KCNN2: variants seen among roughly 807,000 people sequenced by gnomAD.
KCNN2 encodes the protein potassium calcium-activated channel subfamily N member 2.
KCNN2 carries 24 observed loss-of-function variants against 55.5 expected under a neutral mutation model. The ratio of observed to expected loss-of-function variants is 0.43; its 90% confidence interval spans 0.31 to 0.61. The LOEUF (loss-of-function observed/expected upper bound fraction) is 0.61, where lower values mean the gene tolerates loss of function less well. Ranked by LOEUF, KCNN2 falls within the 20% of genes least tolerant of loss-of-function variation. The pLI, the probability that KCNN2 is intolerant of heterozygous loss-of-function variation, is 0.08. For synonymous variants in KCNN2, 431 were observed against 336.1 expected (o/e 1.28, Z -3.09); for missense variants, 754 against 853.6 (o/e 0.88, Z 1.45).
chr5:114,057,815 G>C (rs1441528910), intron 1 of KCNN2, among the ~76,000 whole-genome samples: 1 of 152,166 alleles, frequency 6.6e-6, no homozygotes, highest in Admixed American at 6.5e-5. Flanking sequence ...GTTACCTTTA[G>C]TAATCATGGA....
At chr5:114,380,071 C>A (rs916406627) in intron 2 of KCNN2, among the ~76,000 whole-genome samples, 2 of 151,292 alleles carry the variant, frequency 1.3e-5, no homozygotes, top group African/African-American at 2.4e-5. Context: ...TTATTTTAGT[C>A]CCATCTTAAG....
At chr5:114,302,730 G>A (rs1431572075) in intron 2 of KCNN2, among the ~76,000 whole-genome samples, 1 of 152,128 alleles carries the variant, frequency 6.6e-6, no homozygotes, top group Non-Finnish European at 1.5e-5. Flanking sequence ...GTGCCTTCTG[G>A]CATGAGATCA....
chr5:114,202,821 C>T (rs139575933), intron 1 of KCNN2, among the ~76,000 whole-genome samples: 587 of 152,110 alleles, frequency 3.9e-3, no homozygotes, highest in Non-Finnish European at 6.0e-3. Flanking sequence ...CTCCTGACCT[C>T]GTGATCTGCC....
intron 5 of KCNN2, among the ~76,000 whole-genome samples, chr5:114,477,240 AAGAT>A (rs1233950199): frequency 6.6e-6 from 1 of 152,196 alleles, no homozygotes; most frequent in Non-Finnish European, 1.5e-5. Flanking sequence ...TGAATGTTAA[AAGAT>A]AGTCTGTTCT....
At chr5:114,128,207 T>A (rs890764941) in intron 1 of KCNN2, among the ~76,000 whole-genome samples, 2 of 152,102 alleles carry the variant, frequency 1.3e-5, no homozygotes, top group Admixed American at 1.3e-4. Flanking sequence ...AAAGACATAC[T>A]CAGGACTGGG....
At chr5:114,069,780 G>T (rs1302030873) in intron 1 of KCNN2, among the ~76,000 whole-genome samples, 1 of 152,126 alleles carries the variant, frequency 6.6e-6, no homozygotes, top group African/African-American at 2.4e-5. Context: ...CCACCACAAT[G>T]ATCCCAATCC....
intron 3 of KCNN2, among the ~76,000 whole-genome samples, chr5:114,432,606 C>T (rs901560469): frequency 6.0e-4 from 92 of 152,290 alleles, no homozygotes; most frequent in African/African-American, 1.9e-3. Flanking sequence ...TTCAGCCCAC[C>T]GCTGCACTGT....
intron 2 of KCNN2, among the ~76,000 whole-genome samples, chr5:114,234,445 C>T (rs1452269661): frequency 3.3e-5 from 5 of 152,160 alleles, no homozygotes; most frequent in Non-Finnish European, 7.4e-5. Context: ...GTATATTCTT[C>T]TTTGCTCATG....
exon 1 of KCNN2, chr5:114,056,399 ATCTTCAGCTTT>A (rs1750207960): frequency 5.0e-6 from 2 of 398,444 alleles, no homozygotes; most frequent in Non-Finnish European, 8.8e-6. Context: ...AGTGGACTCG[ATCTTCAGCTTT>A]GTCCACTGGC....
chr5:114,130,574 C>T (rs548217904), intron 1 of KCNN2, among the ~76,000 whole-genome samples: 10 of 152,308 alleles, frequency 6.6e-5, no homozygotes, highest in African/African-American at 2.4e-4. Context: ...GCCATCTCAG[C>T]TTCATATTTA....
At chr5:114,132,521 T>C (rs976076180) in intron 1 of KCNN2, among the ~76,000 whole-genome samples, 4 of 152,230 alleles carry the variant, frequency 2.6e-5, no homozygotes, top group African/African-American at 9.6e-5. Context: ...TAAATCCTGA[T>C]AATACACTTT....
chr5:114,387,770 C>G (rs1001321647), intron 2 of KCNN2, among the ~76,000 whole-genome samples: 2 of 152,168 alleles, frequency 1.3e-5, no homozygotes, highest in African/African-American at 4.8e-5. Context: ...GAGGGAGACT[C>G]AGAGACTAGA....
chr5:114,092,327 A>C (rs1443662707), intron 1 of KCNN2, among the ~76,000 whole-genome samples: 1 of 152,204 alleles, frequency 6.6e-6, no homozygotes, highest in Non-Finnish European at 1.5e-5. Context: ...ATGCTGATAC[A>C]AGAGGTGGGC....
intron 1 of KCNN2, among the ~76,000 whole-genome samples, chr5:114,104,850 T>G (rs1751447894): frequency 6.6e-6 from 1 of 151,388 alleles, no homozygotes; most frequent in South Asian, 2.1e-4. Context: ...GGAGGAAAAA[T>G]GTTTAGGCAG....
At chr5:114,263,543 G>A (rs72799615) in intron 2 of KCNN2, among the ~76,000 whole-genome samples, 4,455 of 152,262 alleles carry the variant, frequency 0.029, 82 homozygotes, top group Non-Finnish European at 0.041. Context: ...TTCAGCCTGA[G>A]TTCTTCCCTT....
chr5:114,182,177 CA>C (rs982675264), intron 1 of KCNN2, among the ~76,000 whole-genome samples: 1 of 151,976 alleles, frequency 6.6e-6, no homozygotes. Context: ...TTAGAATTAT[CA>C]ATCTACTTCT....
intron 1 of KCNN2, among the ~76,000 whole-genome samples, chr5:114,218,015 G>C (rs530431314): frequency 6.6e-6 from 1 of 152,270 alleles, no homozygotes; most frequent in African/African-American, 2.4e-5. Flanking sequence ...TGTATCATAA[G>C]GGAAATGCAA....
intron 2 of KCNN2, among the ~76,000 whole-genome samples, chr5:114,237,400 A>G (rs1754524947): frequency 6.6e-6 from 1 of 152,124 alleles, no homozygotes; most frequent in South Asian, 2.1e-4. Context: ...TAGAACTTCC[A>G]GAAATTGAGG....
At chr5:114,436,828 C>T (rs1760021102) in intron 3 of KCNN2, among the ~76,000 whole-genome samples, 1 of 152,166 alleles carries the variant, frequency 6.6e-6, no homozygotes. Flanking sequence ...TGGCAGTGCT[C>T]TTTGACACTA....
Sources: gnomAD v4.1 joint callset for allele counts (sites outside exome capture counted in the v4.1 genomes callset) on GRCh38, gnomAD v4.1.1 for gene constraint, MANE v1.5 for transcripts, NCBI Gene and HGNC (gene_info 2026-07-23, HGNC 2026-07-21) for gene names.